JAZF1: variants seen among roughly 807,000 people sequenced by gnomAD.
JAZF1 encodes the protein JAZF zinc finger 1, also known as juxtaposed with another zinc finger protein 1.
Under a neutral mutation model 26.4 loss-of-function variants are expected in JAZF1, and 8 were observed. That is an observed-to-expected ratio of 0.30 (90% CI 0.18 to 0.55). JAZF1 has a LOEUF of 0.55. Among genes scored for constraint, JAZF1 ranks in the 20% least tolerant of loss-of-function variants. The pLI, the probability that JAZF1 is intolerant of heterozygous loss-of-function variation, is 0.94. For synonymous variants in JAZF1, 126 were observed against 122.3 expected (o/e 1.03, Z -0.20); for missense variants, 199 against 322.0 (o/e 0.62, Z 2.92).
chr7:28,082,680 A>G (rs1784155390), intron 1 of JAZF1, among the ~76,000 whole-genome samples: 1 of 152,086 alleles, frequency 6.6e-6, no homozygotes, highest in East Asian at 1.9e-4. Flanking sequence ...GACACCCATG[A>G]GCCATCCTTG....
At chr7:27,866,472 TA>T (rs1389180442) in intron 3 of JAZF1, among the ~76,000 whole-genome samples, 2 of 152,206 alleles carry the variant, frequency 1.3e-5, no homozygotes, top group Non-Finnish European at 2.9e-5. Flanking sequence ...TCCTCATCTG[TA>T]AAATGGAAGT....
intron 3 of JAZF1, chr7:27,842,731 T>A (rs1309539194): frequency 6.6e-6 from 1 of 152,252 alleles, no homozygotes; most frequent in Non-Finnish European, 1.5e-5. Context: ...CTTAAACAAA[T>A]GCCACATGCT....
chr7:27,844,189 CT>C (rs1782976273), intron 3 of JAZF1: 1 of 152,218 alleles, frequency 6.6e-6, no homozygotes, highest in Admixed American at 6.5e-5. Flanking sequence ...CTGCAGAAAA[CT>C]TTTGAGGCCA....
chr7:28,172,625 A>G (rs1276548167), intron 1 of JAZF1, among the ~76,000 whole-genome samples: 5 of 152,210 alleles, frequency 3.3e-5, no homozygotes, highest in Non-Finnish European at 7.3e-5. Flanking sequence ...TCCACGTAGA[A>G]TTTTACACAT....
At position 27,856,308 on chromosome 7, in the gene JAZF1, T is replaced by C. The variant is rs190928119; in HGVS notation, c.386-15441A>G. Among the ~76,000 whole-genome samples, 162 of 152,378 alleles carry C rather than the reference T, an allele frequency of 1.1e-3. 1 individual carries two copies. The highest frequency in any genetic ancestry group is 1.9e-3 in the Non-Finnish European group (130 of 68,038). Reference sequence around the variant, plus strand: ...TTTGTTCCTCCCGGTGGGTTCGTTGTCTTGCTGGCTTCAAGAGTGAAGCTG... The same window carrying C: ...TTTGTTCCTCCCGGTGGGTTCGTTGCCTTGCTGGCTTCAAGAGTGAAGCTG... On this transcript the variant is annotated intron_variant, in intron 3 of 4. Coordinates refer to ENST00000283928, the MANE Select transcript of JAZF1 (RefSeq NM_175061.4).
intron 1 of JAZF1, among the ~76,000 whole-genome samples, chr7:28,149,022 T>C (rs1783069312): frequency 1.3e-5 from 2 of 152,342 alleles, no homozygotes; most frequent in South Asian, 4.1e-4. Context: ...TACTCAAATC[T>C]TTCCCCCAAT....
At chr7:28,149,091 T>C (rs1312149281) in intron 1 of JAZF1, among the ~76,000 whole-genome samples, 1 of 152,178 alleles carries the variant, frequency 6.6e-6, no homozygotes, top group Non-Finnish European at 1.5e-5. Context: ...GCTGTCCCCA[T>C]CATTTTTGGT....
intron 2 of JAZF1, chr7:27,914,823 C>T (rs1198887572): frequency 2.1e-6 from 1 of 471,190 alleles, no homozygotes; most frequent in Non-Finnish European, 4.4e-6. Flanking sequence ...AGGAAACAGC[C>T]TTCTGGATTT....
intron 2 of JAZF1, among the ~76,000 whole-genome samples, chr7:27,959,844 G>C (rs980779848): frequency 6.6e-6 from 1 of 151,776 alleles, no homozygotes; most frequent in Non-Finnish European, 1.5e-5. Context: ...AGGTTGCAGT[G>C]AGCCGAGATC....
At chr7:28,100,772 G>C (rs971052651) in intron 1 of JAZF1, among the ~76,000 whole-genome samples, 7 of 152,192 alleles carry the variant, frequency 4.6e-5, no homozygotes, top group African/African-American at 1.7e-4. Context: ...ATTCTGAGAA[G>C]CAAAGGTGTG....
chr7:28,108,709 C>T (rs987150632), intron 1 of JAZF1, among the ~76,000 whole-genome samples: 6 of 152,052 alleles, frequency 3.9e-5, no homozygotes, highest in Non-Finnish European at 7.4e-5. Flanking sequence ...GGATAGATGC[C>T]CAAAGAACAA....
intron 2 of JAZF1, among the ~76,000 whole-genome samples, chr7:27,897,227 A>G (rs1434015477): frequency 1.3e-5 from 2 of 152,224 alleles, no homozygotes; most frequent in African/African-American, 4.8e-5. Context: ...TCGAGGGTTA[A>G]GTAATTCAAA....
At chr7:28,092,693 G>GA (rs1162778257) in intron 1 of JAZF1, among the ~76,000 whole-genome samples, 3 of 150,744 alleles carry the variant, frequency 2.0e-5, no homozygotes, top group Admixed American at 6.6e-5. Context: ...AATACAAAAA[G>GA]AAAAAAAACC....
intron 3 of JAZF1, among the ~76,000 whole-genome samples, chr7:27,870,776 GCCCTCCT>G (rs1783567026): frequency 6.6e-6 from 1 of 152,166 alleles, no homozygotes; most frequent in South Asian, 2.1e-4. Context: ...AGGTGACAGA[GCCCTCCT>G]GAGTCACAGA....
intron 1 of JAZF1, among the ~76,000 whole-genome samples, chr7:28,158,186 C>CAAACACACACACACACACACAGAG (rs149643430): frequency 2.1e-5 from 3 of 143,426 alleles, no homozygotes; most frequent in African/African-American, 7.9e-5. Context: ...CACACACACA[C>CAAACACACACACACACACACAGAG]AGAGAGAGAG....
rs1783767245 is a variant in JAZF1 at position 28,059,583 on chromosome 7, G to A, written c.116-67602C>T. On this transcript the variant is annotated intron_variant, in intron 1 of 4. Transcript: ENST00000283928. ...CCACATATTTACCACTTTATTTTTTGTCCCTTCTTTTAACTCTTATCTTTT... is the reference window on the plus strand; with the variant it reads ...CCACATATTTACCACTTTATTTTTTATCCCTTCTTTTAACTCTTATCTTTT... Among the ~76,000 whole-genome samples the A allele has an allele frequency of 4.6e-5, 7 of 152,070 alleles. No homozygotes were observed. In the South Asian group the frequency reaches 1.5e-3, roughly 32 times the overall value.
At chr7:27,869,871 C>T (rs1014037181) in intron 3 of JAZF1, among the ~76,000 whole-genome samples, 1 of 152,112 alleles carries the variant, frequency 6.6e-6, no homozygotes, top group Admixed American at 6.5e-5. Context: ...ATTTTCCTAG[C>T]CCCTCCACCA....
At chr7:27,939,344 T>C (rs1252021772) in intron 2 of JAZF1, among the ~76,000 whole-genome samples, 1 of 152,198 alleles carries the variant, frequency 6.6e-6, no homozygotes, top group Non-Finnish European at 1.5e-5. Flanking sequence ...TGGGAAGGAC[T>C]GAGTAGCAGG....
intron 2 of JAZF1, among the ~76,000 whole-genome samples, chr7:27,922,158 G>A (rs973249030): frequency 6.6e-6 from 1 of 152,220 alleles, no homozygotes; most frequent in Non-Finnish European, 1.5e-5. Flanking sequence ...AAATGAGGAA[G>A]TGCATTGAAG....
Sources: allele counts gnomAD v4.1 joint callset (sites outside exome capture counted in the v4.1 genomes callset), GRCh38; gene constraint gnomAD v4.1.1; transcripts MANE v1.5; gene names NCBI Gene and HGNC (gene_info 2026-07-23, HGNC 2026-07-21).